ACSM3: variants seen among roughly 807,000 people sequenced by gnomAD.
ACSM3 encodes the protein acyl-CoA synthetase medium chain family member 3.
A neutral mutation model predicts 74.1 loss-of-function variants in ACSM3; 61 were observed. The observed-to-expected ratio is 0.82, with a 90% CI of 0.67 to 1.02. The LOEUF (loss-of-function observed/expected upper bound fraction) is 1.02, where lower values mean the gene tolerates loss of function less well. Ranked by LOEUF, ACSM3 falls within the 50% of genes least tolerant of loss-of-function variation. The probability of loss-of-function intolerance (pLI) is 0.00; values close to 1 mark genes in which losing one functional copy is unlikely to be tolerated. For missense variants in ACSM3, 660 were observed against 697.0 expected (o/e 0.95, Z 0.60); for synonymous variants, 213 against 241.5 (o/e 0.88, Z 1.09).
At chr16:20,721,720 A>G (rs1239453933) in intron 1 of ACSM3, 2 of 152,192 alleles carry the variant, frequency 1.3e-5, no homozygotes, top group Non-Finnish European at 2.9e-5. Context: ...GACAGGAGGA[A>G]TCATGCCATA....
In ACSM3 at chr16:20,797,204, A is replaced by G; in HGVS notation, c.*232A>G. ...CATTTCTTAATATAAAAATAATACC[A>G]TCAATTGCTGATTAATTTTTAAATG... On this transcript the variant is annotated 3_prime_UTR_variant, in exon 14 of 14. Coordinates refer to ENST00000289416, the MANE Select transcript of ACSM3 (RefSeq NM_005622.4). The G allele has an allele frequency of 1.6e-6, 2 of 1,231,612 alleles. No individual in the cohort carries two copies. Among genetic ancestry groups the G allele is most frequent in the Non-Finnish European group, 2.0e-6 (2 of 985,890 alleles). The allele number at this position is 1,231,612 out of a possible 1,614,324, so 76.3% of individuals were successfully genotyped here. A position where few individuals can be genotyped will look rare whatever the true frequency, so the allele number is the denominator to read the frequency against.
intron 2 of ACSM3, among the ~76,000 whole-genome samples, chr16:20,772,157 G>T (rs539123641): frequency 1.3e-5 from 2 of 152,048 alleles, no homozygotes; most frequent in African/African-American, 4.8e-5. Context: ...TTCCTTGTCA[G>T]GTGAATAGTT....
intron 2 of ACSM3, among the ~76,000 whole-genome samples, chr16:20,773,589 T>C (rs2080219626): frequency 6.6e-6 from 1 of 152,214 alleles, no homozygotes; most frequent in South Asian, 2.1e-4. Context: ...ATTTTTTGCT[T>C]TCCTTCTCAA....
chr16:20,782,257 T>C (rs1171046119), intron 7 of ACSM3, among the ~76,000 whole-genome samples: 1 of 152,190 alleles, frequency 6.6e-6, no homozygotes, highest in Non-Finnish European at 1.5e-5. Context: ...TTTGTTTTGT[T>C]TCAATAGGGT....
chr16:20,781,979 C>T (rs1291515866), intron 7 of ACSM3, among the ~76,000 whole-genome samples, 192 bp downstream of exon 7: 1 of 152,120 alleles, frequency 6.6e-6, no homozygotes, highest in Non-Finnish European at 1.5e-5. Context: ...CAAGATCCCC[C>T]AAACAAGAAG....
Position 20,796,058 on chromosome 16 carries a change from G to A in ACSM3, c.1555-312G>A, listed in dbSNP as rs2080716248. 2.0e-5 allele frequency: 5 copies of A among 243,922 alleles called. No individual in the cohort carries two copies. The South Asian group carries it at 3.9e-4, about 19-fold the overall frequency. 15.1% of individuals were successfully genotyped at this position (243,922 alleles called of 1,614,324 possible). A position where few individuals can be genotyped will look rare whatever the true frequency, so the allele number is the denominator to read the frequency against. On this transcript the variant is annotated intron_variant, in intron 12 of 13. Transcript: ENST00000289416. The stretch of plus-strand genomic sequence containing the variant: ...ATCTTCACAGCCTTGTATAAAGACT[G>A]CATGTTCTCTGTGAACTGTTCCCTT...
At chr16:20,727,299 T>C in intron 1 of ACSM3, 1 of 553,764 alleles carries the variant, frequency 1.8e-6, no homozygotes, top group Non-Finnish European at 3.5e-6. Context: ...GGGAAAGCAC[T>C]CAGGTTCCTC....
chr16:20,689,399 A>T (rs2079612854), intron 1 of ACSM3, among the ~76,000 whole-genome samples: 2 of 152,160 alleles, frequency 1.3e-5, no homozygotes, highest in African/African-American at 4.8e-5. Context: ...TGAGAGACAG[A>T]AAAGCTATAA....
At chr16:20,775,118 G>T (rs573287866) in intron 2 of ACSM3, among the ~76,000 whole-genome samples, 71 of 152,214 alleles carry the variant, frequency 4.7e-4, no homozygotes, top group African/African-American at 1.6e-3. Context: ...TCCACCTGGT[G>T]TTGGAATGCT....
At chr16:20,704,961 G>GC (rs2079722733) in intron 1 of ACSM3, among the ~76,000 whole-genome samples, 2 of 152,266 alleles carry the variant, frequency 1.3e-5, no homozygotes, top group South Asian at 4.1e-4. Context: ...TAATTGTAGG[G>GC]CTTTCACTTC....
Position 20,741,831 on chromosome 16 carries a change from G to A in ACSM3, c.-189-8079G>A, listed in dbSNP as rs1428534247. 3 of 1,539,280 alleles carry A rather than the reference G, an allele frequency of 1.9e-6. No individual in the cohort carries two copies. In the East Asian group the frequency reaches 7.3e-5, roughly 38 times the overall value. ...GGCGCGAACTGGTGACGTCGGATAT[G>A]AGCGACGGCCTCCCCTAGCCGGCCT... is the stretch of plus-strand genomic sequence containing the variant. On this transcript the variant is annotated intron_variant, in intron 1 of 3. Transcript: ENST00000561584.
intron 1 of ACSM3, among the ~76,000 whole-genome samples, chr16:20,675,574 T>C (rs1247969594): frequency 6.6e-6 from 1 of 152,130 alleles, no homozygotes; most frequent in African/African-American, 2.4e-5. Flanking sequence ...TTGGAGTGCA[T>C]GATAAAGAAT....
At chr16:20,707,665 C>A (rs985575599) in intron 1 of ACSM3, among the ~76,000 whole-genome samples, 2 of 152,178 alleles carry the variant, frequency 1.3e-5, no homozygotes, top group African/African-American at 4.8e-5. Flanking sequence ...GCTCCAAAAG[C>A]ATTTGGCTAC....
chr16:20,745,586 TAAATAAATAA>T (rs1229241903), intron 1 of ACSM3, among the ~76,000 whole-genome samples: 25 of 54,772 alleles, frequency 4.6e-4, no homozygotes, highest in African/African-American at 7.7e-4. Context: ...TCAAAATAAA[TAAATAAATAA>T]ATAAATAAAT....
intron 1 of ACSM3, among the ~76,000 whole-genome samples, chr16:20,726,334 A>C (rs924371459): frequency 1.3e-5 from 2 of 152,218 alleles, no homozygotes; most frequent in African/African-American, 4.8e-5. Flanking sequence ...AGAGAAAGGA[A>C]GAGAGGAGCA....
intron 1 of ACSM3, chr16:20,682,064 T>C (rs1304504354): frequency 8.9e-6 from 5 of 560,884 alleles, no homozygotes; most frequent in Non-Finnish European, 1.6e-5. Context: ...AGATCTCCCC[T>C]CTCACCCCAT....
intron 1 of ACSM3, chr16:20,741,558 G>A: frequency 6.3e-7 from 1 of 1,586,654 alleles, no homozygotes; most frequent in Non-Finnish European, 8.6e-7. Flanking sequence ...GAGGCTGTAG[G>A]CCTCCTCCAC....
Position 20,781,131 on chromosome 16 carries a change from G to A in ACSM3, c.939+1G>A. ...TTTTGAGCCGACTTCTATCTTGCAA[G>A]TAAGCCAAAGCACAAAGAGGTCAAT... On this transcript the variant is annotated splice_donor_variant, in intron 6 of 13. Transcript: ENST00000289416. LOFTEE classifies it high-confidence loss of function. 1 of 1,613,844 alleles carries A rather than the reference G, an allele frequency of 6.2e-7. No homozygotes were observed. The highest frequency in any genetic ancestry group is 1.3e-5 in the African/African-American group (1 of 75,032).
At chr16:20,701,568 A>G (rs1029379835) in intron 1 of ACSM3, among the ~76,000 whole-genome samples, 1 of 152,188 alleles carries the variant, frequency 6.6e-6, no homozygotes, top group African/African-American at 2.4e-5. Context: ...ATGCATGTGC[A>G]GAACATGCAG....
Sources: gnomAD v4.1 joint callset for allele counts (sites outside exome capture counted in the v4.1 genomes callset) on GRCh38, gnomAD v4.1.1 for gene constraint, MANE v1.5 for transcripts, NCBI Gene and HGNC (gene_info 2026-07-23, HGNC 2026-07-21) for gene names.